ATG2B: variants seen among roughly 807,000 people sequenced by gnomAD.
ATG2B encodes autophagy-related protein 2 homolog B.
Under a neutral mutation model 241.3 loss-of-function variants are expected in ATG2B, and 121 were observed. The observed-to-expected ratio is 0.50, with a 90% CI of 0.43 to 0.58. ATG2B has a LOEUF of 0.58. Ranked by LOEUF, ATG2B falls within the 20% of genes least tolerant of loss-of-function variation. ATG2B has a pLI of 0.00. For missense variants in ATG2B, 2,306 were observed against 2,491.6 expected, an observed-to-expected ratio of 0.93 and a Z score of 1.59; for synonymous variants, 858 against 876.6, an observed-to-expected ratio of 0.98 and a Z score of 0.37.
At chr14:96,356,839 G>A (rs1035247121) in intron 1 of ATG2B, among the ~76,000 whole-genome samples, 19 of 152,092 alleles carry the variant, frequency 1.2e-4, no homozygotes, top group African/African-American at 4.3e-4. Context: ...GCTTGAGTAA[G>A]TTATTTAACC....
chr14:96,355,595 T>C (rs996214507), intron 1 of ATG2B, among the ~76,000 whole-genome samples: 3 of 152,116 alleles, frequency 2.0e-5, no homozygotes, highest in Admixed American at 6.6e-5. Context: ...ATTAATGAGG[T>C]AATATATGTA....
chr14:96,305,849 T>C lies in ATG2B; in HGVS notation c.4507-34A>G, dbSNP rs770146840. ...AACAAACAGGTAACACATACTCTCT[T>C]TTCTAATTAGAAACAACTGATTATG... On this transcript the variant is annotated intron_variant, in intron 30 of 41. Coordinates refer to ENST00000359933, the MANE Select transcript of ATG2B (RefSeq NM_018036.7). 53 of 1,544,792 alleles carry C rather than the reference T, an allele frequency of 3.4e-5. No individual in the cohort carries two copies. The Admixed American group carries it at 9.0e-4, about 26-fold the overall frequency.
chr14:96,352,290 C>T (rs1018508812), intron 1 of ATG2B, among the ~76,000 whole-genome samples: 2 of 152,034 alleles, frequency 1.3e-5, no homozygotes, highest in East Asian at 1.9e-4. Flanking sequence ...ACATAATACT[C>T]GAGGGTGATA....
chr14:96,321,291 T>A (rs1887450584), intron 18 of ATG2B, among the ~76,000 whole-genome samples: 1 of 152,158 alleles, frequency 6.6e-6, no homozygotes. Flanking sequence ...GAAACTAGAA[T>A]AACTTGTCTA....
At chr14:96,360,369 T>C (rs1888590443) in intron 1 of ATG2B, among the ~76,000 whole-genome samples, 2 of 152,262 alleles carry the variant, frequency 1.3e-5, no homozygotes. Context: ...AGACTACTTG[T>C]ACTATGAGGA....
chr14:96,323,860 G>T, intron 16 of ATG2B, 36 bp downstream of exon 16: 1 of 1,321,682 alleles, frequency 7.6e-7, no homozygotes, highest in South Asian at 1.3e-5. Flanking sequence ...TTTTTAAAAG[G>T]AAAATCCTAT....
intron 1 of ATG2B, among the ~76,000 whole-genome samples, chr14:96,359,952 G>A (rs1227067042): frequency 6.6e-6 from 1 of 152,138 alleles, no homozygotes. Flanking sequence ...TATCAAACTG[G>A]TACAAAGAGA....
chr14:96,330,366 C>A (rs1887700833), intron 11 of ATG2B, among the ~76,000 whole-genome samples: 1 of 152,104 alleles, frequency 6.6e-6, no homozygotes, highest in Admixed American at 6.6e-5. Context: ...AAAGTATTTT[C>A]TAAAAATACT....
At chr14:96,340,981 T>C (rs1211878022) in intron 6 of ATG2B, among the ~76,000 whole-genome samples, 3 of 151,528 alleles carry the variant, frequency 2.0e-5, no homozygotes, top group Non-Finnish European at 4.4e-5. Context: ...TTATTTTATG[T>C]CAAAAAATTT....
chr14:96,312,308 AT>A, intron 25 of ATG2B, 149 bp from the exon 26 acceptor site: 1 of 610,260 alleles, frequency 1.6e-6, no homozygotes, highest in Non-Finnish European at 2.9e-6. Flanking sequence ...GTCATCTAAC[AT>A]TTTTTAAAAA....
intron 34 of ATG2B, among the ~76,000 whole-genome samples, chr14:96,298,895 GTAAATT>G (rs918051702): frequency 4.6e-5 from 7 of 151,192 alleles, no homozygotes; most frequent in Non-Finnish European, 1.5e-5. Context: ...TTTAGTGTAT[GTAAATT>G]ATACCTCAGT....
At chr14:96,297,815 G>C (rs1049815988) in intron 34 of ATG2B, among the ~76,000 whole-genome samples, 2 of 150,836 alleles carry the variant, frequency 1.3e-5, no homozygotes, top group African/African-American at 4.9e-5. Context: ...TTTACAGATG[G>C]GGGTCTCGCT....
chr14:96,317,349 A>T, intron 19 of ATG2B, 32 bp from the exon 20 acceptor site: 1 of 1,550,282 alleles, frequency 6.5e-7, no homozygotes. Context: ...TTACATTCTG[A>T]TAGCATATTA....
intron 6 of ATG2B, among the ~76,000 whole-genome samples, chr14:96,337,500 G>A (rs554400261): frequency 1.3e-5 from 2 of 152,256 alleles, no homozygotes; most frequent in South Asian, 4.1e-4. Context: ...ATGCAGATTA[G>A]TACAACCACT....
rs145259940 is a variant in ATG2B at position 96,362,459 on chromosome 14, A to G, written c.162+356T>C. 4.0e-3 allele frequency among the ~76,000 whole-genome samples: 608 copies of G among 152,266 alleles called. 22 individuals carry two copies. In the South Asian group the frequency reaches 0.059, roughly 15 times the overall value. ...CTTCCAGAATGTCATCCCACAAGGC[A>G]GGGTTTGTTTGCCACAAAACCCTGC... On this transcript the variant is annotated intron_variant, in intron 1 of 41. Coordinates refer to ENST00000359933, the MANE Select transcript of ATG2B (RefSeq NM_018036.7).
At position 96,295,187 on chromosome 14, in the gene ATG2B, G is replaced by A; in HGVS notation, c.5219-20C>T. 1 of 1,593,328 alleles carries A rather than the reference G, an allele frequency of 6.3e-7. No individual in the cohort carries two copies. Among genetic ancestry groups the A allele is most frequent in the Non-Finnish European group, 8.6e-7 (1 of 1,164,672 alleles). On this transcript the variant is annotated intron_variant, in intron 35 of 41. Transcript: ENST00000359933. ...TTTTAACTGAAAATGTAATGTGCAT[G>A]TTTGAAAAATTAGATATGCTTCTTC...
rs1469918267 is a variant in ATG2B at position 96,281,817 on chromosome 14, G to T, written c.*3938C>A. The T allele has an allele frequency of 6.6e-6, 1 of 152,216 alleles. No individual in the cohort carries two copies. The highest frequency in any genetic ancestry group is 1.5e-5 in the Non-Finnish European group (1 of 68,034). 9.4% of individuals were successfully genotyped at this position (152,216 alleles called of 1,614,324 possible). A position where few individuals can be genotyped will look rare whatever the true frequency, so the allele number is the denominator to read the frequency against. ...AAGGGCCAACAATTGTTGTAGGAAA[G>T]CAAAATATACCTCTAACACCTACGT... is the stretch of plus-strand genomic sequence containing the variant. On this transcript the variant is annotated 3_prime_UTR_variant, in exon 42 of 42. Coordinates refer to ENST00000359933, the MANE Select transcript of ATG2B (RefSeq NM_018036.7).
intron 41 of ATG2B, among the ~76,000 whole-genome samples, chr14:96,286,704 T>C (rs1255654677): frequency 6.6e-6 from 1 of 152,178 alleles, no homozygotes; most frequent in Non-Finnish European, 1.5e-5. Flanking sequence ...AAACTTCACA[T>C]GACTTCTGAA....
At chr14:96,357,207 T>G (rs1381937938) in intron 1 of ATG2B, among the ~76,000 whole-genome samples, 1 of 152,222 alleles carries the variant, frequency 6.6e-6, no homozygotes, top group Non-Finnish European at 1.5e-5. Flanking sequence ...TTTTTGAAAT[T>G]CTAACTTCCC....
Sources: gnomAD v4.1 joint callset for allele counts (sites outside exome capture counted in the v4.1 genomes callset) on GRCh38, gnomAD v4.1.1 for gene constraint, MANE v1.5 for transcripts, NCBI Gene and HGNC (gene_info 2026-07-23, HGNC 2026-07-21) for gene names.